LHFPL3: variants seen among roughly 807,000 people sequenced by gnomAD.
The protein encoded by LHFPL3 is LHFPL tetraspan subfamily member 3 protein.
Under a neutral mutation model 19.3 loss-of-function variants are expected in LHFPL3, and 5 were observed. The ratio of observed to expected loss-of-function variants is 0.26; its 90% CI spans 0.14 to 0.54. LHFPL3 has a LOEUF of 0.54. LHFPL3 is among the 20% of genes least tolerant of loss of function. The pLI, the probability that LHFPL3 is intolerant of heterozygous loss-of-function variation, is 0.94. For missense variants in LHFPL3, 249 were observed against 307.4 expected (o/e 0.81, Z 1.42); for synonymous variants, 133 against 126.2 (o/e 1.05, Z -0.36).
chr7:104,490,894 T>G (rs1043084257), intron 1 of LHFPL3, among the ~76,000 whole-genome samples: 2 of 152,154 alleles, frequency 1.3e-5, no homozygotes, highest in African/African-American at 4.8e-5. Context: ...GCCTTTCTTA[T>G]GAGCTGCAGT....
At chr7:104,675,195 C>T (rs996192028) in intron 1 of LHFPL3, among the ~76,000 whole-genome samples, 1 of 152,184 alleles carries the variant, frequency 6.6e-6, no homozygotes, top group Non-Finnish European at 1.5e-5. Flanking sequence ...AGAGGTGGTA[C>T]TCACCAAGGA....
At chr7:104,670,531 A>G (rs764618086) in intron 1 of LHFPL3, among the ~76,000 whole-genome samples, 3 of 152,224 alleles carry the variant, frequency 2.0e-5, no homozygotes, top group Non-Finnish European at 4.4e-5. Context: ...AGCAGTATCT[A>G]AGTCACATAC....
At chr7:104,840,308 C>T (rs115459950) in intron 2 of LHFPL3, among the ~76,000 whole-genome samples, 129 of 118,360 alleles carry the variant, frequency 1.1e-3, no homozygotes, top group African/African-American at 1.6e-3. Flanking sequence ...TGTGGGTTTT[C>T]TTTTTTTTTT....
intron 1 of LHFPL3, among the ~76,000 whole-genome samples, chr7:104,408,969 A>G (rs1291523787): frequency 7.0e-6 from 1 of 142,302 alleles, no homozygotes; most frequent in African/African-American, 2.6e-5. Context: ...GGCTCATGCC[A>G]TTCTCCTGCC....
intron 1 of LHFPL3, among the ~76,000 whole-genome samples, chr7:104,468,391 A>G (rs1333408558): frequency 6.6e-6 from 1 of 152,224 alleles, no homozygotes; most frequent in East Asian, 1.9e-4. Context: ...AGCCAGTGCC[A>G]ATAGCCAGTA....
intron 2 of LHFPL3, among the ~76,000 whole-genome samples, chr7:104,835,324 A>ATT (rs1791070007): frequency 6.6e-6 from 1 of 151,910 alleles, no homozygotes; most frequent in African/African-American, 2.4e-5. Flanking sequence ...AGTCAAAGTG[A>ATT]TTTTTAGGTT....
At chr7:104,491,645 C>T (rs1417784826) in intron 1 of LHFPL3, among the ~76,000 whole-genome samples, 1 of 152,138 alleles carries the variant, frequency 6.6e-6, no homozygotes, top group Non-Finnish European at 1.5e-5. Context: ...GCTGTCCCTC[C>T]ACCCACTTCC....
Position 104,838,971 on chromosome 7 carries a change from A to G in LHFPL3, c.683-67216A>G, listed in dbSNP as rs1226431378. 5.3e-5 allele frequency among the ~76,000 whole-genome samples: 8 copies of G among 152,344 alleles called. No individual in the cohort carries two copies. The South Asian group carries it at 1.2e-3, about 24-fold the overall frequency. On this transcript the variant is annotated intron_variant, in intron 2 of 2. Transcript: ENST00000424859. ...GCTGTAAGAGCCCAGAATAAATTCT[A>G]GCATGCTTACATTTCCACCAGGGAA...
chr7:104,582,377 G>T (rs925447692), intron 1 of LHFPL3, among the ~76,000 whole-genome samples: 2 of 151,796 alleles, frequency 1.3e-5, no homozygotes, highest in Non-Finnish European at 2.9e-5. Flanking sequence ...GAATTCTTCA[G>T]TATTTTCTAC....
intron 1 of LHFPL3, among the ~76,000 whole-genome samples, chr7:104,711,457 G>C (rs933423377): frequency 1.3e-5 from 2 of 152,172 alleles, no homozygotes; most frequent in African/African-American, 2.4e-5. Context: ...CCAAAGTTAG[G>C]CTTGATTCAA....
rs78974811 is a variant in LHFPL3 at position 104,433,410 on chromosome 7, G to A, written c.445+104186G>A. Among the ~76,000 whole-genome samples the A allele has an allele frequency of 4.2e-3, 639 of 152,232 alleles. 5 individuals are homozygous for A. The highest frequency in any genetic ancestry group is 0.014 in the African/African-American group (596 of 41,530). The stretch of plus-strand genomic sequence containing the variant: ...TCTGGAGTCCACTTTGAGAATTACT[G>A]CTCTATTACAACCATCTGATCCCCT... On this transcript the variant is annotated intron_variant, in intron 1 of 2. Transcript: ENST00000424859.
At chr7:104,592,151 G>C (rs1325154226) in intron 1 of LHFPL3, among the ~76,000 whole-genome samples, 1 of 152,082 alleles carries the variant, frequency 6.6e-6, no homozygotes, top group African/African-American at 2.4e-5. Flanking sequence ...ATCCAGCTTT[G>C]TTCCATTGCT....
intron 2 of LHFPL3, among the ~76,000 whole-genome samples, chr7:104,899,793 G>C (rs766482561): frequency 6.6e-6 from 1 of 152,018 alleles, no homozygotes; most frequent in South Asian, 2.1e-4. Flanking sequence ...GTGCAGTGGC[G>C]TGATCTCAAC....
At chr7:104,530,558 T>C (rs1794276979) in intron 1 of LHFPL3, among the ~76,000 whole-genome samples, 1 of 152,208 alleles carries the variant, frequency 6.6e-6, no homozygotes, top group African/African-American at 2.4e-5. Flanking sequence ...GAAAGCAAAG[T>C]GTATATTTGA....
At chr7:104,572,195 G>T (rs1456506886) in intron 1 of LHFPL3, among the ~76,000 whole-genome samples, 1 of 152,144 alleles carries the variant, frequency 6.6e-6, no homozygotes, top group Admixed American at 6.5e-5. Flanking sequence ...AAAAGTTATT[G>T]CGATTTTTGC....
chr7:104,557,455 A>G (rs919425326), intron 1 of LHFPL3, among the ~76,000 whole-genome samples: 3 of 152,104 alleles, frequency 2.0e-5, no homozygotes, highest in Admixed American at 1.3e-4. Flanking sequence ...CTCATTCACT[A>G]TCATGAGAAC....
intron 1 of LHFPL3, among the ~76,000 whole-genome samples, chr7:104,346,540 T>C (rs1790068834): frequency 6.6e-6 from 1 of 152,128 alleles, no homozygotes; most frequent in South Asian, 2.1e-4. Context: ...TTGTAGTTTC[T>C]GAAATGACTA....
intron 1 of LHFPL3, among the ~76,000 whole-genome samples, chr7:104,584,782 A>T (rs1173042497): frequency 1.3e-5 from 2 of 152,162 alleles, no homozygotes; most frequent in East Asian, 3.8e-4. Flanking sequence ...AAGAATCAGC[A>T]GGCAGCAGTC....
intron 1 of LHFPL3, among the ~76,000 whole-genome samples, chr7:104,638,451 C>G (rs897033363): frequency 3.3e-5 from 5 of 152,040 alleles, no homozygotes; most frequent in Non-Finnish European, 7.4e-5. Context: ...TGAGACAGGG[C>G]ATCCTTGTCT....
Sources: allele counts gnomAD v4.1 joint callset (sites outside exome capture counted in the v4.1 genomes callset), GRCh38; gene constraint gnomAD v4.1.1; transcripts MANE v1.5; gene names NCBI Gene and HGNC (gene_info 2026-07-23, HGNC 2026-07-21).